Variants in SEC61B observed in about 807,000 individuals in gnomAD.
SEC61B encodes protein transport protein Sec61 subunit beta.
A neutral mutation model predicts 12.6 loss-of-function variants in SEC61B; 7 were observed. The ratio of observed to expected loss-of-function variants is 0.55; its 90% CI spans 0.32 to 1.04. The LOEUF is 1.04. SEC61B is among the 50% of genes least tolerant of loss of function. The pLI is 0.05. For missense variants in SEC61B, 107 were observed against 130.1 expected (o/e 0.82, Z 0.86); for synonymous variants, 54 against 50.1 (o/e 1.08, Z -0.33).
intron 3 of SEC61B, 77 bp from the exon 4 acceptor site, chr9:99,230,260 C>A: frequency 1.1e-6 from 1 of 872,422 alleles, no homozygotes; most frequent in Non-Finnish European, 1.8e-6. Flanking sequence ...TACTTTTCCC[C>A]TAGGCAATCT....
At chr9:99,225,400 G>A (rs890286440) in intron 2 of SEC61B, among the ~76,000 whole-genome samples, 3 of 152,174 alleles carry the variant, frequency 2.0e-5, no homozygotes, top group South Asian at 2.1e-4. Context: ...AGAAGCAAGA[G>A]AGCAAATCAC....
chr9:99,222,494 C>T (rs1337974487), intron 1 of SEC61B, 52 bp from the exon 2 acceptor site: 1 of 1,602,968 alleles, frequency 6.2e-7, no homozygotes, highest in African/African-American at 1.3e-5. Context: ...GGCCGGGGTT[C>T]TGGGGCAGGC....
intron 2 of SEC61B, among the ~76,000 whole-genome samples, chr9:99,223,388 T>G (rs1455971534): frequency 6.6e-6 from 1 of 150,504 alleles, no homozygotes; most frequent in East Asian, 1.9e-4. Context: ...CAGCCTAACC[T>G]TTCTTTTTCC....
At chr9:99,224,608 AAGAC>A (rs1828875231) in intron 2 of SEC61B, among the ~76,000 whole-genome samples, 1 of 152,376 alleles carries the variant, frequency 6.6e-6, no homozygotes, top group African/African-American at 2.4e-5. Flanking sequence ...GAAACATTTG[AAGAC>A]AGACAGATGC....
intron 2 of SEC61B, among the ~76,000 whole-genome samples, chr9:99,227,652 G>T (rs1828914250): frequency 6.6e-6 from 1 of 152,130 alleles, no homozygotes. Context: ...AGGCCAATTT[G>T]CCTCATTTAT....
In SEC61B at chr9:99,226,813, G is replaced by A. The variant is rs1828901997; in HGVS notation, c.102-1086G>A. Among the ~76,000 whole-genome samples, 7 of 152,258 alleles carry A rather than the reference G, an allele frequency of 4.6e-5. No individual in the cohort carries two copies. In the South Asian group the frequency reaches 1.5e-3, roughly 32 times the overall value. Reference sequence around the variant, plus strand: ...CCTTGGCAGCAGAGTCCTAAGTGCTGCTAGGCTGCTTCTGTCTGCCAGGGC... The same window carrying A: ...CCTTGGCAGCAGAGTCCTAAGTGCTACTAGGCTGCTTCTGTCTGCCAGGGC... On this transcript the variant is annotated intron_variant, in intron 2 of 3. Transcript: ENST00000223641.
intron 1 of SEC61B, 26 bp from the exon 2 acceptor site, chr9:99,222,520 G>A (rs1487228458): frequency 6.2e-7 from 1 of 1,602,692 alleles, no homozygotes; most frequent in South Asian, 1.1e-5. Context: ...GCGCTCACCC[G>A]TCTGTCTGCT....
At chr9:99,228,353 A>G (rs944240907) in intron 3 of SEC61B, among the ~76,000 whole-genome samples, 1 of 152,226 alleles carries the variant, frequency 6.6e-6, no homozygotes, top group African/African-American at 2.4e-5. Context: ...AATCATTTGA[A>G]TAGGAATTGG....
At position 99,227,904 on chromosome 9, in the gene SEC61B, A is replaced by G. The variant is rs768845916; in HGVS notation, c.107A>G (p.Asn36Ser). The G allele has an allele frequency of 1.2e-6, 2 of 1,613,870 alleles. No individual in the cohort carries two copies. Among genetic ancestry groups the G allele is most frequent in the East Asian group, 2.2e-5 (1 of 44,882 alleles). ...AACATTTTCCTCTCTTTCAGGAAAA[A>G]TGCCAGCTGTGGGACAAGGAGTGCA... is the stretch of plus-strand genomic sequence containing the variant. ...AAGSTVRQRK[N>S]ASCGTRSAGR... Residue 36 changes from asparagine (N) to serine (S), a missense_variant, in exon 3 of 4, where the codon AAT (asparagine) becomes AGT (serine). Physicochemically the swap from Asn to Ser is conservative, Grantham distance 46. Transcript: ENST00000223641.
intron 2 of SEC61B, chr9:99,222,896 A>C: frequency 2.5e-6 from 1 of 401,356 alleles, no homozygotes; most frequent in Non-Finnish European, 4.5e-6. Context: ...ACTTTGAGAA[A>C]ACCGATGTCA....
chr9:99,230,500 A>T lies in SEC61B; in HGVS notation c.*76A>T. ...TTCTTGGACCAAAAGTATAGTGACTATCTGTTCATGAGAGAAATTTTCTGT... is the reference window on the plus strand; with the variant it reads ...TTCTTGGACCAAAAGTATAGTGACTTTCTGTTCATGAGAGAAATTTTCTGT... On this transcript the variant is annotated 3_prime_UTR_variant, in exon 4 of 4. Coordinates refer to ENST00000223641, the MANE Select transcript of SEC61B (RefSeq NM_006808.3). 2.1e-6 allele frequency: 2 copies of T among 940,064 alleles called. No individual in the cohort carries two copies. Among genetic ancestry groups the T allele is most frequent in the South Asian group, 2.8e-5 (2 of 72,442 alleles). The allele number at this position is 940,064 out of a possible 1,614,324, so 58.2% of individuals were successfully genotyped here.
In SEC61B at chr9:99,222,557, C is replaced by T; in HGVS notation, c.15C>T (p.Thr5=). Residue 5 remains threonine (T), a synonymous_variant, in exon 2 of 4, where the codon ACC becomes ACT. Transcript: ENST00000223641. ...GTCTCCCTCTACAGCCTGGTCCGAC[C>T]CCCAGTGGCACTAACGTGGGATCCT... MPGP[T]PSGTNVGSSG... The T allele has an allele frequency of 6.3e-7, 1 of 1,580,630 alleles. No individual in the cohort carries two copies.
At chr9:99,222,672 C>T in intron 2 of SEC61B, 29 bp downstream of exon 2, 1 of 1,447,368 alleles carries the variant, frequency 6.9e-7, no homozygotes. Context: ...CGTTCGCTTC[C>T]AGACTCGGAG....
chr9:99,229,798 A>T (rs1828937818), intron 3 of SEC61B, among the ~76,000 whole-genome samples: 1 of 152,226 alleles, frequency 6.6e-6, no homozygotes, highest in Non-Finnish European at 1.5e-5. Context: ...TGTGTGGGGT[A>T]TCCATTACCT....
At chr9:99,223,891 G>T (rs1264980770) in intron 2 of SEC61B, among the ~76,000 whole-genome samples, 1 of 152,098 alleles carries the variant, frequency 6.6e-6, no homozygotes, top group East Asian at 1.9e-4. Context: ...TGCCCCCATA[G>T]CATTTTGTTC....
chr9:99,223,306 T>A (rs1270752677), intron 2 of SEC61B: 1 of 151,260 alleles, frequency 6.6e-6, no homozygotes, highest in Non-Finnish European at 1.5e-5. Flanking sequence ...CTGTTACTTG[T>A]TGCTGAACTA....
At chr9:99,222,524 G>T (rs1242727552) in intron 1 of SEC61B, 22 bp from the exon 2 acceptor site, 1 of 1,601,454 alleles carries the variant, frequency 6.2e-7, no homozygotes. Flanking sequence ...TCACCCGTCT[G>T]TCTGCTTGTC....
chr9:99,225,642 A>T (rs933539596), intron 2 of SEC61B, among the ~76,000 whole-genome samples: 3 of 152,198 alleles, frequency 2.0e-5, no homozygotes, highest in Admixed American at 2.0e-4. Context: ...GAGAGATTCA[A>T]TGTGTTTTAT....
At chr9:99,228,176 G>A (rs1484037980) in intron 3 of SEC61B, among the ~76,000 whole-genome samples, 176 bp downstream of exon 3, 2 of 152,228 alleles carry the variant, frequency 1.3e-5, no homozygotes, top group South Asian at 2.1e-4. Flanking sequence ...ATTAGGCATT[G>A]TAGGGCCGGG....
Sources: allele counts gnomAD v4.1 joint callset (sites outside exome capture counted in the v4.1 genomes callset), GRCh38; gene constraint gnomAD v4.1.1; transcripts MANE v1.5; gene names NCBI Gene and HGNC (gene_info 2026-07-23, HGNC 2026-07-21).